Variants in HFM1 observed in about 807,000 individuals in gnomAD.
The protein encoded by HFM1 is probable ATP-dependent DNA helicase HFM1.
In HFM1, 169 loss-of-function variants were observed where a neutral mutation model predicts 192.1. That is an observed-to-expected ratio of 0.88 (90% CI 0.78 to 1.00). HFM1 has a LOEUF of 1.00. Ranked by LOEUF, HFM1 falls within the 50% of genes least tolerant of loss-of-function variation. The pLI is 0.00. For missense variants in HFM1, 1,661 were observed against 1,668.0 expected (o/e 1.00, Z 0.07); for synonymous variants, 525 against 537.8 (o/e 0.98, Z 0.33).
At chr1:91,307,742 C>T (rs1649853089) in intron 30 of HFM1, among the ~76,000 whole-genome samples, 1 of 152,224 alleles carries the variant, frequency 6.6e-6, no homozygotes, top group Admixed American at 6.5e-5. Context: ...GCATGAGCCA[C>T]TAAGCCTGGC....
At chr1:91,302,049 C>G (rs1198989895) in intron 30 of HFM1, among the ~76,000 whole-genome samples, 2 of 135,928 alleles carry the variant, frequency 1.5e-5, no homozygotes, top group Admixed American at 7.8e-5. Context: ...GGGCTAATAT[C>G]CAGAATCTAC....
chr1:91,340,879 C>T (rs141831891), intron 20 of HFM1, among the ~76,000 whole-genome samples: 4 of 152,092 alleles, frequency 2.6e-5, no homozygotes, highest in African/African-American at 9.7e-5. Flanking sequence ...AAGTTCAACA[C>T]AACAAAAAGA....
chr1:91,265,858 C>A (rs1232432607), intron 36 of HFM1, among the ~76,000 whole-genome samples, 159 bp downstream of exon 36: 1 of 152,186 alleles, frequency 6.6e-6, no homozygotes, highest in Non-Finnish European at 1.5e-5. Flanking sequence ...GGTGGTTTCA[C>A]AACAGCACTT....
At position 91,385,600 on chromosome 1, in the gene HFM1, A is replaced by C. The variant is rs763953381; in HGVS notation, c.729T>G (p.Val243=). 8 of 1,612,554 alleles carry C rather than the reference A, an allele frequency of 5.0e-6. No homozygotes were observed. The highest frequency in any genetic ancestry group is 6.8e-6 in the Non-Finnish European group (8 of 1,178,988). ...CTTGAATATCATGAGGTTGGAAAGC[A>C]ACTGAAAAAGATGGTGCTTTGAACA... is the stretch of plus-strand genomic sequence containing the variant. The part of the protein sequence containing the change: ...EGMFKAPSFS[V]AFQPHDIQEV... Residue 243 remains valine (V), a synonymous_variant, in exon 5 of 39, where the codon GTT becomes GTG. Transcript: ENST00000370425.
intron 1 of HFM1, 98 bp from the exon 2 acceptor site, chr1:91,401,207 T>C: frequency 1.6e-6 from 1 of 610,574 alleles, no homozygotes; most frequent in Non-Finnish European, 2.9e-6. Context: ...CTGTAAAATA[T>C]AACCACAGAC....
intron 30 of HFM1, among the ~76,000 whole-genome samples, chr1:91,292,144 G>C (rs1436335966): frequency 1.3e-5 from 2 of 151,476 alleles, no homozygotes; most frequent in Non-Finnish European, 2.9e-5. Flanking sequence ...ACTGGCACAA[G>C]ACAGGGATGC....
rs569468700 is a variant in HFM1, at chr1:91,394,263, C to T, written c.324G>A (p.Gly108=). The change falls in exon 4 of 39, where the codon GGG becomes GGA. Residue 108 remains glycine (G), a synonymous_variant. Coordinates refer to ENST00000370425, the MANE Select transcript of HFM1 (RefSeq NM_001017975.6). ...TATGTGATAAGTCATTATTACCTAC[C>T]CCTTCTAAATTTAGATCATCCTGTT... ...KYEQDDLNLE[G]VGNNDLSHIA... is the part of the protein sequence containing the mutation. 6.5e-5 allele frequency: 104 copies of T among 1,597,254 alleles called. No individual in the cohort carries two copies. In the South Asian group the frequency reaches 8.7e-4, roughly 13 times the overall value.
chr1:91,269,924 G>C (rs575524566), intron 34 of HFM1, among the ~76,000 whole-genome samples: 1 of 152,262 alleles, frequency 6.6e-6, no homozygotes, highest in East Asian at 1.9e-4. Context: ...GGAGAAGGCA[G>C]GGTCCATTGT....
chr1:91,312,720 T>C (rs1171177314), intron 30 of HFM1, among the ~76,000 whole-genome samples: 1 of 152,032 alleles, frequency 6.6e-6, no homozygotes, highest in Non-Finnish European at 1.5e-5. Context: ...GAAGGTGTGA[T>C]TGGTTTTGAA....
intron 30 of HFM1, among the ~76,000 whole-genome samples, chr1:91,300,622 A>C (rs1041935395): frequency 6.6e-6 from 1 of 152,138 alleles, no homozygotes; most frequent in Non-Finnish European, 1.5e-5. Context: ...ATGCAAGGCT[A>C]GTTCAACATA....
In HFM1 at chr1:91,276,653, G is replaced by C. The variant is rs1303059584; in HGVS notation, c.3563C>G (p.Ser1188Cys). The part of the protein sequence containing the change: ...SDLRNRNAVS[S>C]VPPVKRLKIQ... Reference sequence around the variant, plus strand: ...CTTCAGACGTTTAACTGGAGGAACAGATGAAACAGCATTCCTGTTTCTTAA... The same window carrying C: ...CTTCAGACGTTTAACTGGAGGAACACATGAAACAGCATTCCTGTTTCTTAA... Residue 1188 changes from serine (S) to cysteine (C), a missense_variant, in exon 32 of 39, where the codon TCT becomes TGT. Ser to Cys is a moderately radical substitution (Grantham distance 112). Coordinates refer to ENST00000370425, the MANE Select transcript of HFM1 (RefSeq NM_001017975.6). 3 of 1,548,244 alleles carry C rather than the reference G, an allele frequency of 1.9e-6. No individual in the cohort carries two copies. The highest frequency in any genetic ancestry group is 2.6e-6 in the Non-Finnish European group (3 of 1,146,072).
At chr1:91,284,420 T>G (rs1009153629) in intron 30 of HFM1, among the ~76,000 whole-genome samples, 1 of 151,920 alleles carries the variant, frequency 6.6e-6, no homozygotes, top group Non-Finnish European at 1.5e-5. Context: ...CCCAGCTAAT[T>G]TTTGTATTTT....
intron 36 of HFM1, among the ~76,000 whole-genome samples, chr1:91,263,458 C>G (rs1173998829): frequency 1.3e-5 from 2 of 152,166 alleles, no homozygotes; most frequent in African/African-American, 2.4e-5. Flanking sequence ...AAAGAAAAAG[C>G]AGGCCAGGCA....
chr1:91,321,706 T>C (rs1281275515), intron 23 of HFM1, among the ~76,000 whole-genome samples: 1 of 152,264 alleles, frequency 6.6e-6, no homozygotes, highest in East Asian at 1.9e-4. Flanking sequence ...TTAAATAAGA[T>C]GCACAAAGGC....
chr1:91,363,556 G>A (rs1658825159), intron 13 of HFM1, among the ~76,000 whole-genome samples: 1 of 150,820 alleles, frequency 6.6e-6, no homozygotes, highest in Non-Finnish European at 1.5e-5. Flanking sequence ...TGGCGAGGTT[G>A]CAGAGAAAAA....
At chr1:91,394,929 T>C (rs1345718098) in intron 3 of HFM1, among the ~76,000 whole-genome samples, 2 of 151,874 alleles carry the variant, frequency 1.3e-5, no homozygotes, top group African/African-American at 4.8e-5. Flanking sequence ...TTTAGGGAAG[T>C]TTAGGGGGAA....
rs754655412 is a variant in HFM1, at chr1:91,385,738, TTC to T, written c.589_590del (p.Glu197AsnfsTer10). On this transcript the variant is annotated frameshift_variant, in exon 5 of 39. Transcript: ENST00000370425. LOFTEE classifies it high-confidence loss of function. ...AGTTCCTTGATTTCCCTTTGTTCAT[TTC>T]TGTTTGTACAATTTTCACTGAGCCA... ...HIGSVKIVQT[E>X]MNKGKSRNYS... The T allele has an allele frequency of 1.2e-6, 2 of 1,612,926 alleles. No homozygotes were observed. The highest frequency in any genetic ancestry group is 1.3e-5 in the African/African-American group (1 of 75,008).
intron 36 of HFM1, among the ~76,000 whole-genome samples, chr1:91,264,359 G>GTTTTTT (rs1466938761): frequency 8.9e-4 from 48 of 54,064 alleles, no homozygotes; most frequent in African/African-American, 3.5e-3. Context: ...CACAAATTTA[G>GTTTTTT]TATTTTTTTT....
At chr1:91,407,006 C>T (rs1156619333), upstream of HFM1, among the ~76,000 whole-genome samples, 1 of 152,120 alleles carries the variant, frequency 6.6e-6, no homozygotes, top group Non-Finnish European at 1.5e-5. Flanking sequence ...CTAGAAGGCG[C>T]GCTTTCTTTC....
Sources: allele counts gnomAD v4.1 joint callset (sites outside exome capture counted in the v4.1 genomes callset), GRCh38; gene constraint gnomAD v4.1.1; transcripts MANE v1.5; gene names NCBI Gene and HGNC (gene_info 2026-07-23, HGNC 2026-07-21).